C3orf49: variants seen among roughly 807,000 people sequenced by gnomAD.
The protein encoded by C3orf49 is putative uncharacterized protein C3orf49.
A neutral mutation model predicts 13.3 loss-of-function variants in C3orf49; 27 were observed. The observed-to-expected ratio is 2.02, with a 90% CI of 1.49 to 2.79. The LOEUF is 2.79. C3orf49 is among the 30% of genes most tolerant of loss of function. The pLI is 0.00. For synonymous variants in C3orf49, 87 were observed against 47.6 expected (o/e 1.83, Z -3.40); for missense variants, 242 against 134.2 (o/e 1.80, Z -3.97).
the C3orf49 span, among the ~76,000 whole-genome samples, chr3:63,797,489 G>A: frequency 6.6e-6 from 1 of 152,034 alleles, no homozygotes; most frequent in Non-Finnish European, 1.5e-5. Flanking sequence ...GTTCATAACG[G>A]TAAAACTTAC....
At chr3:63,839,640 A>G in intron 5 of C3orf49, 1 of 1,602,902 alleles carries the variant, frequency 6.2e-7, no homozygotes, top group South Asian at 1.1e-5. Context: ...TGGAAACAAC[A>G]GTGAAAATGA....
chr3:63,788,397 T>G, the C3orf49 span, among the ~76,000 whole-genome samples: 1 of 152,242 alleles, frequency 6.6e-6, no homozygotes, highest in Non-Finnish European at 1.5e-5. Context: ...TATGTCTTTC[T>G]ATTTTTAAAC....
chr3:63,790,761 G>A, the C3orf49 span, among the ~76,000 whole-genome samples: 15 of 152,162 alleles, frequency 9.9e-5, no homozygotes, highest in African/African-American at 3.6e-4. Flanking sequence ...TTGCAGCTCA[G>A]TGGCCTTTGT....
intron 3 of C3orf49, among the ~76,000 whole-genome samples, 185 bp from the exon 4 acceptor site, chr3:63,830,925 T>C (rs1701524078): frequency 6.6e-6 from 1 of 152,186 alleles, no homozygotes; most frequent in South Asian, 2.1e-4. Flanking sequence ...AAGAGAGCTC[T>C]GGGCACAAAG....
chr3:63,833,400 A>C (rs1414352157), intron 5 of C3orf49, among the ~76,000 whole-genome samples: 1 of 152,090 alleles, frequency 6.6e-6, no homozygotes, highest in Non-Finnish European at 1.5e-5. Flanking sequence ...TGCCTGGCCT[A>C]CGCAAAACAA....
intron 6 of C3orf49, among the ~76,000 whole-genome samples, chr3:63,847,679 G>A (rs1701927448): frequency 6.6e-6 from 1 of 151,854 alleles, no homozygotes; most frequent in Non-Finnish European, 1.5e-5. Context: ...AGAGGTTGCA[G>A]TGAGCCAAGA....
At chr3:63,832,141 C>G (rs1008719699) in intron 5 of C3orf49, 4 of 264,368 alleles carry the variant, frequency 1.5e-5, no homozygotes, top group Non-Finnish European at 2.8e-5. Flanking sequence ...CTGCAGTGAG[C>G]CGAGATCGCA....
intron 6 of C3orf49, among the ~76,000 whole-genome samples, chr3:63,848,137 C>T (rs1001875658): frequency 2.0e-5 from 3 of 152,142 alleles, no homozygotes; most frequent in Admixed American, 1.3e-4. Flanking sequence ...AAAAATGGCC[C>T]TGCAAAGTTG....
chr3:63,787,781 A>G, the C3orf49 span, among the ~76,000 whole-genome samples: 1 of 152,180 alleles, frequency 6.6e-6, no homozygotes, highest in Non-Finnish European at 1.5e-5. Context: ...GATGCCATCA[A>G]CTGGTGAAGA....
the C3orf49 span, among the ~76,000 whole-genome samples, chr3:63,804,101 G>A: frequency 6.6e-6 from 1 of 152,094 alleles, no homozygotes; most frequent in Non-Finnish European, 1.5e-5. Flanking sequence ...GAGCTCAGGA[G>A]ATAATGAGAG....
chr3:63,842,020 T>A (rs936661372), intron 5 of C3orf49, among the ~76,000 whole-genome samples: 3 of 152,096 alleles, frequency 2.0e-5, no homozygotes, highest in African/African-American at 7.2e-5. Context: ...GAAAACAACA[T>A]CTAAGGCAAC....
the C3orf49 span, among the ~76,000 whole-genome samples, chr3:63,793,080 A>G: frequency 6.6e-6 from 1 of 152,162 alleles, no homozygotes; most frequent in South Asian, 2.1e-4. Context: ...CCTTCTTGAC[A>G]CTGACCACAG....
the C3orf49 span, among the ~76,000 whole-genome samples, chr3:63,807,956 A>G: frequency 3.3e-5 from 5 of 152,076 alleles, no homozygotes; most frequent in African/African-American, 1.2e-4. Flanking sequence ...AAAAAGTGAA[A>G]GTTTTCAGAA....
At chr3:63,840,861 G>A (rs1474416375) in intron 5 of C3orf49, among the ~76,000 whole-genome samples, 1 of 152,184 alleles carries the variant, frequency 6.6e-6, no homozygotes, top group Non-Finnish European at 1.5e-5. Flanking sequence ...GTAATTCTTT[G>A]TAGGGCCACT....
chr3:63,795,615 G>A, the C3orf49 span, among the ~76,000 whole-genome samples: 2 of 151,950 alleles, frequency 1.3e-5, no homozygotes, highest in South Asian at 2.1e-4. Flanking sequence ...CCTTCTAACC[G>A]CCCGAGGTGA....
upstream of C3orf49, among the ~76,000 whole-genome samples, chr3:63,816,893 C>T (rs1575793755): frequency 6.6e-6 from 1 of 151,374 alleles, no homozygotes; most frequent in African/African-American, 2.4e-5. Flanking sequence ...CTGCCTCAAC[C>T]TCCTGAGTAG....
At chr3:63,785,705 C>G in the C3orf49 span, among the ~76,000 whole-genome samples, 1 of 152,038 alleles carries the variant, frequency 6.6e-6, no homozygotes, top group African/African-American at 2.4e-5. Context: ...CACCTACTTC[C>G]ACAGCAGGAT....
chr3:63,832,347 TA>T (rs1454506838), intron 5 of C3orf49, among the ~76,000 whole-genome samples: 2 of 152,090 alleles, frequency 1.3e-5, no homozygotes, highest in Non-Finnish European at 2.9e-5. Context: ...CTTTAAAAAA[TA>T]AATATCTTTT....
intron 5 of C3orf49, among the ~76,000 whole-genome samples, chr3:63,837,436 G>T (rs1384605771): frequency 1.3e-5 from 2 of 151,844 alleles, no homozygotes; most frequent in African/African-American, 4.8e-5. Flanking sequence ...CTACATAAGG[G>T]TATACTCTAA....
Sources: allele counts gnomAD v4.1 joint callset (sites outside exome capture counted in the v4.1 genomes callset), GRCh38; gene constraint gnomAD v4.1.1; transcripts MANE v1.5; gene names NCBI Gene and HGNC (gene_info 2026-07-23, HGNC 2026-07-21).